The following ITGAM variants were observed in gnomAD, a reference collection of about 807,000 sequenced individuals.
ITGAM encodes the protein integrin alpha-M.
In ITGAM, 79 loss-of-function variants were observed where a neutral mutation model predicts 137.5. That is an observed-to-expected ratio of 0.57 (90% confidence interval 0.48 to 0.69). The LOEUF is 0.69. Ranked by LOEUF, ITGAM falls within the 30% of genes least tolerant of loss-of-function variation. ITGAM has a pLI of 0.00. For synonymous variants in ITGAM, 583 were observed against 592.3 expected (o/e 0.98, Z 0.23); for missense variants, 1,343 against 1,483.5 (o/e 0.91, Z 1.56).
chr16:31,277,990 C>A lies in ITGAM; in HGVS notation c.1237C>A (p.Arg413=). ...AGGTTATGCTGCCGCCATCATCTTA[C>A]GGAACCGGGTGCAAAGCCTGGTTCT... ...YLGYAAAIIL[R]NRVQSLVLGA... The change falls in exon 12 of 30, where the codon CGG becomes AGG. Residue 413 remains arginine, a synonymous_variant. Transcript: ENST00000544665. The A allele has an allele frequency of 6.2e-7, 1 of 1,601,248 alleles. No individual in the cohort carries two copies. The highest frequency in any genetic ancestry group is 1.1e-5 in the South Asian group (1 of 88,664).
At chr16:31,325,448 A>G in intron 20 of ITGAM, 44 bp downstream of exon 20, 1 of 1,612,838 alleles carries the variant, frequency 6.2e-7, no homozygotes, top group Non-Finnish European at 8.5e-7. Context: ...TTGCTTCCCC[A>G]TCCTCACGGC....
At chr16:31,302,654 C>G (rs1438288262) in intron 14 of ITGAM, among the ~76,000 whole-genome samples, 4 of 151,470 alleles carry the variant, frequency 2.6e-5, no homozygotes, top group African/African-American at 4.8e-5. Flanking sequence ...CTTGCCTCAG[C>G]CTGCCGAGTA....
chr16:31,329,239 C>T lies in ITGAM; in HGVS notation c.2804C>T (p.Ser935Phe), dbSNP rs146026711. ...VYMVVTSHGVSTKYLNFTASE... is the reference protein window; with the variant it reads ...VYMVVTSHGVFTKYLNFTASE... ...TTTTCTCCCTTCAGCCATGGGGTCT[C>T]CACTAAATATCTCAACTTCACGGCC... The change falls in exon 24 of 30, where the codon TCC (serine) becomes TTC (phenylalanine). Residue 935 changes from serine (S) to phenylalanine (F), a missense_variant. Transcript: ENST00000544665. 12 of 1,611,980 alleles carry T rather than the reference C, an allele frequency of 7.4e-6. No homozygotes were observed. Among genetic ancestry groups the T allele is most frequent in the Non-Finnish European group, 1.0e-5 (12 of 1,178,316 alleles).
rs1036239700 is a variant in ITGAM at position 31,266,025 on chromosome 16, C to T, written c.310-5C>T. 1 of 1,612,860 alleles carries T rather than the reference C, an allele frequency of 6.2e-7. No individual in the cohort carries two copies. Among genetic ancestry groups the T allele is most frequent in the Non-Finnish European group, 8.5e-7 (1 of 1,179,132 alleles). ...CAGCCCCTTCCACTGGCTCCTGTCCCCTAGGCCTGTGGTCCCACCGTGCAC... is the reference window on the plus strand; with the variant it reads ...CAGCCCCTTCCACTGGCTCCTGTCCTCTAGGCCTGTGGTCCCACCGTGCAC... On this transcript the variant is annotated splice_region_variant and splice_polypyrimidine_tract_variant and intron_variant, in intron 4 of 29. Transcript: ENST00000544665.
At position 31,295,902 on chromosome 16, in the gene ITGAM, G is replaced by A. The variant is rs185625399; in HGVS notation, c.1357-1612G>A. On this transcript the variant is annotated intron_variant, in intron 12 of 29. Transcript: ENST00000544665. The stretch of plus-strand genomic sequence containing the variant: ...TATTGAGGTACATTCCTTCTGTAGC[G>A]AATTTATTGAGAGTTTTTATTATAA... Among the ~76,000 whole-genome samples the A allele has an allele frequency of 2.6e-3, 398 of 151,764 alleles. 3 individuals are homozygous for A. Among genetic ancestry groups the A allele is most frequent in the African/African-American group, 8.4e-3 (348 of 41,450 alleles).
intron 22 of ITGAM, 168 bp downstream of exon 22, chr16:31,327,103 T>C: frequency 1.5e-6 from 1 of 662,256 alleles, no homozygotes; most frequent in Admixed American, 2.4e-5. Context: ...TGCTGAGTGC[T>C]GGTGGGATGG....
chr16:31,325,417 T>G lies in ITGAM; in HGVS notation c.2505+13T>G. The G allele has an allele frequency of 6.2e-7, 1 of 1,612,694 alleles. No homozygotes were observed. Among genetic ancestry groups the G allele is most frequent in the South Asian group, 1.1e-5 (1 of 90,954 alleles). ...GTCCACGCTCCAGGTAGCCACATCC[T>G]TCTCAGGCTCTATCTGACCTTTGCT... is the stretch of plus-strand genomic sequence containing the variant. On this transcript the variant is annotated intron_variant, in intron 20 of 29. Coordinates refer to ENST00000544665, the MANE Select transcript of ITGAM (RefSeq NM_000632.4).
Position 31,324,858 on chromosome 16 carries a change from A to T in ITGAM, c.2289+76A>T. 6.4e-7 allele frequency: 1 copy of T among 1,552,254 alleles called. No individual in the cohort carries two copies. The highest frequency in any genetic ancestry group is 1.2e-5 in the South Asian group (1 of 80,906). ...AGGTGGTTGAAACTCATTTTATTTGATTGCATCTAATTTTACTTCAACATT... is the reference window on the plus strand; with the variant it reads ...AGGTGGTTGAAACTCATTTTATTTGTTTGCATCTAATTTTACTTCAACATT... On this transcript the variant is annotated intron_variant, in intron 18 of 29. Coordinates refer to ENST00000544665, the MANE Select transcript of ITGAM (RefSeq NM_000632.4). The surrounding 1 kb of genome is among the most constrained non-coding windows in gnomAD (Gnocchi z 4.5).
In ITGAM at chr16:31,328,186, A is replaced by G; in HGVS notation, c.2748A>G (p.Gln916=). The change falls in exon 23 of 30, where the codon CAA becomes CAG. Residue 916 remains glutamine, a synonymous_variant. Coordinates refer to ENST00000544665, the MANE Select transcript of ITGAM (RefSeq NM_000632.4). Reference sequence around the variant, plus strand: ...CCAGAACCAACAAAACCGAATTCCAACTGGAGCTGCCGGTGAAATATGCTG... The same window carrying G: ...CCAGAACCAACAAAACCGAATTCCAGCTGGAGCTGCCGGTGAAATATGCTG... ...NMPRTNKTEF[Q]LELPVKYAVY... is the part of the protein sequence containing the mutation. 2 of 1,613,986 alleles carry G rather than the reference A, an allele frequency of 1.2e-6. No individual in the cohort carries two copies. The highest frequency in any genetic ancestry group is 1.7e-6 in the Non-Finnish European group (2 of 1,179,870).
intron 5 of ITGAM, among the ~76,000 whole-genome samples, chr16:31,268,145 G>A (rs768511416): frequency 6.6e-6 from 1 of 151,992 alleles, no homozygotes; most frequent in Non-Finnish European, 1.5e-5. Context: ...CTTCCTGAGT[G>A]CATTCTCTTC....
Position 31,331,933 on chromosome 16 carries a change from GTGTGAGTGTGTGCAAGTA to G in ITGAM, c.*238_*255del, listed in dbSNP as rs1374769976. ...CGTGCATGTGCACTTGCACGCCCAT[GTGTGAGTGTGTGCAAGTA>G]TGTGAGTGTGTCCAAGTGTGTGTGC... On this transcript the variant is annotated 3_prime_UTR_variant, in exon 30 of 30. Coordinates refer to ENST00000544665, the MANE Select transcript of ITGAM (RefSeq NM_000632.4). 1.2e-5 allele frequency: 7 copies of G among 565,094 alleles called. No individual in the cohort carries two copies. The highest frequency in any genetic ancestry group is 3.0e-5 in the East Asian group (1 of 32,830). The allele number at this position is 565,094 out of a possible 1,614,324, so 35.0% of individuals were successfully genotyped here.
At position 31,277,031 on chromosome 16, in the gene ITGAM, A is replaced by G. The variant is rs2079914693; in HGVS notation, c.1195A>G (p.Met399Val). Residue 399 changes from methionine to valine, a missense_variant, in exon 11 of 30, where the codon ATG (methionine) becomes GTG (valine). By Grantham distance (21) the Met-to-Val change is conservative. Coordinates refer to ENST00000544665, the MANE Select transcript of ITGAM (RefSeq NM_000632.4). ...CAACATGACCAGAGTGGATTCAGAC[A>G]TGAATGATGCTTACTTGGGTAAGTG... The part of the protein sequence containing the change: ...FINMTRVDSD[M>V]NDAYLGYAAA... 6.2e-7 allele frequency: 1 copy of G among 1,612,274 alleles called. No homozygotes were observed. Among genetic ancestry groups the G allele is most frequent in the African/African-American group, 1.3e-5 (1 of 74,888 alleles).
chr16:31,262,957 A>AT (rs994921582), intron 2 of ITGAM, among the ~76,000 whole-genome samples: 1 of 151,770 alleles, frequency 6.6e-6, no homozygotes, highest in African/African-American at 2.4e-5. Flanking sequence ...ATTTTATTTT[A>AT]TTTTTTTAGA....
At chr16:31,261,198 CT>C (rs1017498448) in intron 1 of ITGAM, among the ~76,000 whole-genome samples, 1,283 of 123,216 alleles carry the variant, frequency 0.01, 11 homozygotes, top group African/African-American at 0.024. Context: ...ATGCTGCTAT[CT>C]TTTTTTTTTT....
intron 12 of ITGAM, among the ~76,000 whole-genome samples, chr16:31,295,665 C>G (rs1386036428): frequency 6.6e-6 from 1 of 150,818 alleles, no homozygotes; most frequent in Non-Finnish European, 1.5e-5. Flanking sequence ...TAAGTGTAAA[C>G]AGAGACAAAT....
chr16:31,310,547 A>G (rs1308663902), intron 14 of ITGAM, among the ~76,000 whole-genome samples: 3 of 152,160 alleles, frequency 2.0e-5, no homozygotes, highest in Non-Finnish European at 4.4e-5. Flanking sequence ...CAGCTCCATC[A>G]GGTCCTTTAA....
intron 2 of ITGAM, among the ~76,000 whole-genome samples, chr16:31,265,020 A>G (rs1270443559): frequency 1.3e-5 from 2 of 151,992 alleles, no homozygotes; most frequent in Non-Finnish European, 2.9e-5. Flanking sequence ...GGTACGCACC[A>G]CCACGTGTGG....
At chr16:31,270,699 G>GCA (rs1555464797) in intron 5 of ITGAM, among the ~76,000 whole-genome samples, 5 of 25,998 alleles carry the variant, frequency 1.9e-4, no homozygotes, top group Non-Finnish European at 3.9e-4. Flanking sequence ...GTGTGTGTGT[G>GCA]TATATATATA....
rs145905359 is a variant in ITGAM, at chr16:31,328,549, G to A, written c.2792+319G>A. On this transcript the variant is annotated intron_variant, in intron 23 of 29. Transcript: ENST00000544665. Reference sequence around the variant, plus strand: ...TGCGTGCATGGGTGTGTATTTGTGCGTGTGTGTGAGGATCCTTGTGCATGG... The same window carrying A: ...TGCGTGCATGGGTGTGTATTTGTGCATGTGTGTGAGGATCCTTGTGCATGG... Among the ~76,000 whole-genome samples the A allele has an allele frequency of 1.7e-4, 26 of 150,010 alleles. No individual in the cohort carries two copies. In the East Asian group the frequency reaches 3.4e-3, roughly 19 times the overall value.
Sources: allele counts gnomAD v4.1 joint callset (sites outside exome capture counted in the v4.1 genomes callset), GRCh38; gene constraint gnomAD v4.1.1; non-coding constraint Gnocchi (gnomAD v3.1); transcripts MANE v1.5; gene names NCBI Gene and HGNC (gene_info 2026-07-23, HGNC 2026-07-21).